The following PREX1 variants were observed in gnomAD, a reference collection of about 807,000 sequenced individuals.
The protein encoded by PREX1 is phosphatidylinositol 3,4,5-trisphosphate-dependent Rac exchanger 1 protein.
A neutral mutation model predicts 198.3 loss-of-function variants in PREX1; 41 were observed. That is an observed-to-expected ratio of 0.21 (90% CI 0.16 to 0.27). PREX1 has a LOEUF of 0.27. Among genes scored for constraint, PREX1 ranks in the 10% least tolerant of loss-of-function variants. The pLI is 1.00. For missense variants in PREX1, 1,620 were observed against 2,200.7 expected (o/e 0.74, Z 5.28); for synonymous variants, 843 against 887.2 (o/e 0.95, Z 0.89).
chr20:48,701,598 C>A (rs1470884968), intron 6 of PREX1, among the ~76,000 whole-genome samples: 4 of 152,122 alleles, frequency 2.6e-5, no homozygotes, highest in African/African-American at 9.7e-5. Context: ...TATATCTCCC[C>A]CACCTAAATG....
At chr20:48,657,875 G>A (rs905450470) in intron 17 of PREX1, among the ~76,000 whole-genome samples, 1 of 152,094 alleles carries the variant, frequency 6.6e-6, no homozygotes, top group Non-Finnish European at 1.5e-5. Flanking sequence ...CTTTTTTCCT[G>A]TACCTCCCCA....
intron 19 of PREX1, among the ~76,000 whole-genome samples, 187 bp downstream of exon 19, chr20:48,655,103 C>T (rs1253520540): frequency 2.0e-5 from 3 of 152,210 alleles, no homozygotes; most frequent in Non-Finnish European, 4.4e-5. Flanking sequence ...GATGGCTACC[C>T]ACTTGTAGCC....
chr20:48,788,183 C>T (rs774448046), intron 1 of PREX1, among the ~76,000 whole-genome samples: 1 of 152,180 alleles, frequency 6.6e-6, no homozygotes, highest in Non-Finnish European at 1.5e-5. Context: ...GAAAGCCCCA[C>T]CACCCAGGGA....
chr20:48,815,740 A>C (rs1176360529), intron 1 of PREX1, among the ~76,000 whole-genome samples: 1 of 152,042 alleles, frequency 6.6e-6, no homozygotes, highest in African/African-American at 2.4e-5. Flanking sequence ...ACAGTGGCTC[A>C]TTGCCTGTAA....
intron 1 of PREX1, among the ~76,000 whole-genome samples, chr20:48,761,637 T>C (rs1478377551): frequency 6.6e-6 from 1 of 152,114 alleles, no homozygotes; most frequent in African/African-American, 2.4e-5. Context: ...TGGGGGACAC[T>C]GAGAGGAACC....
chr20:48,732,500 G>C (rs2090038790), intron 4 of PREX1, among the ~76,000 whole-genome samples: 1 of 152,132 alleles, frequency 6.6e-6, no homozygotes, highest in Non-Finnish European at 1.5e-5. Context: ...AAACAGTATG[G>C]GGGTGGAGAG....
chr20:48,681,398 A>C, intron 10 of PREX1, 63 bp from the exon 11 acceptor site: 1 of 1,530,660 alleles, frequency 6.5e-7, no homozygotes, highest in East Asian at 2.2e-5. Flanking sequence ...AGGAATCAGC[A>C]CTAAGCTGGC....
At chr20:48,805,112 A>G (rs1211503612) in intron 1 of PREX1, among the ~76,000 whole-genome samples, 1 of 152,220 alleles carries the variant, frequency 6.6e-6, no homozygotes, top group Non-Finnish European at 1.5e-5. Flanking sequence ...TCTCCTTACC[A>G]CCGGGCTGCC....
chr20:48,833,448 T>C, the PREX1 span, among the ~76,000 whole-genome samples: 1 of 151,138 alleles, frequency 6.6e-6, no homozygotes, highest in East Asian at 1.9e-4. Flanking sequence ...TCTTTCTTTT[T>C]TTTTTTTTTT....
chr20:48,626,357 A>G (rs973205385), intron 39 of PREX1, among the ~76,000 whole-genome samples: 9 of 152,220 alleles, frequency 5.9e-5, no homozygotes, highest in Non-Finnish European at 1.0e-4. Flanking sequence ...GCAGACTGCA[A>G]TGCTGCACAT....
chr20:48,881,409 T>G, the PREX1 span, among the ~76,000 whole-genome samples: 4 of 152,182 alleles, frequency 2.6e-5, no homozygotes, highest in African/African-American at 9.6e-5. Context: ...TCCCTCATAT[T>G]TTTGGCCTTT....
At chr20:48,872,275 G>T in the PREX1 span, among the ~76,000 whole-genome samples, 2 of 151,808 alleles carry the variant, frequency 1.3e-5, no homozygotes, top group Non-Finnish European at 2.9e-5. Context: ...CCATGTTGTG[G>T]TTTTTTTTCA....
chr20:48,697,349 T>C lies in PREX1; in HGVS notation c.917+3404A>G, dbSNP rs77126700. 4.4e-3 allele frequency among the ~76,000 whole-genome samples: 661 copies of C among 151,498 alleles called. 3 individuals carry two copies. The highest frequency in any genetic ancestry group is 6.8e-3 in the Middle Eastern group (2 of 292). Reference sequence around the variant, plus strand: ...CATAATTTGCTCAAGGTAGCACAGATAGTAAGCAGAGCCTCTGTGTTCTTT... The same window carrying C: ...CATAATTTGCTCAAGGTAGCACAGACAGTAAGCAGAGCCTCTGTGTTCTTT... On this transcript the variant is annotated intron_variant, in intron 7 of 39. Coordinates refer to ENST00000371941, the MANE Select transcript of PREX1 (RefSeq NM_020820.4).
intron 3 of PREX1, among the ~76,000 whole-genome samples, chr20:48,743,990 G>A (rs1272262420): frequency 6.7e-6 from 1 of 149,170 alleles, no homozygotes; most frequent in Non-Finnish European, 1.5e-5. Flanking sequence ...AAGTGAGTTA[G>A]TGATGATGAT....
intron 26 of PREX1, among the ~76,000 whole-genome samples, chr20:48,645,229 G>T (rs1260934673): frequency 6.6e-6 from 1 of 152,190 alleles, no homozygotes; most frequent in Non-Finnish European, 1.5e-5. Context: ...CCCACAAACA[G>T]TTGAAGCACC....
chr20:48,634,096 A>ATGGACGGATGGATGGATGGATGCC (rs1555829128), intron 33 of PREX1, among the ~76,000 whole-genome samples: 1 of 120,562 alleles, frequency 8.3e-6, no homozygotes, highest in African/African-American at 2.9e-5. Flanking sequence ...GGATGGATGG[A>ATGGACGGATGGATGGATGGATGCC]TGGATGCATG....
At chr20:48,714,377 A>G (rs2089952266) in intron 5 of PREX1, among the ~76,000 whole-genome samples, 1 of 152,240 alleles carries the variant, frequency 6.6e-6, no homozygotes. Flanking sequence ...CTGATGAGGA[A>G]CTTGTACCCA....
chr20:48,759,166 A>C (rs931667315), intron 1 of PREX1, among the ~76,000 whole-genome samples: 1 of 152,170 alleles, frequency 6.6e-6, no homozygotes, highest in Non-Finnish European at 1.5e-5. Context: ...TGACCTAGGC[A>C]ACTGACTCCA....
the PREX1 span, among the ~76,000 whole-genome samples, chr20:48,874,461 T>C: frequency 6.6e-6 from 1 of 151,466 alleles, no homozygotes; most frequent in Non-Finnish European, 1.5e-5. Flanking sequence ...GAGTGTTCAC[T>C]ATGACTAGCG....
Sources: allele counts gnomAD v4.1 joint callset (sites outside exome capture counted in the v4.1 genomes callset), GRCh38; gene constraint gnomAD v4.1.1; transcripts MANE v1.5; gene names NCBI Gene and HGNC (gene_info 2026-07-23, HGNC 2026-07-21).